Variants in SH3KBP1 observed in about 807,000 individuals in gnomAD.
SH3KBP1 encodes the protein SH3 domain containing kinase binding protein 1, also known as SH3 domain-containing kinase-binding protein 1.
In SH3KBP1, 8 loss-of-function variants were observed where a neutral mutation model predicts 50.1. The ratio of observed to expected loss-of-function variants is 0.16; its 90% CI spans 0.09 to 0.29. The LOEUF is 0.29. Among genes scored for constraint, SH3KBP1 ranks in the 10% least tolerant of loss-of-function variants. SH3KBP1 has a pLI of 1.00. For synonymous variants in SH3KBP1, 227 were observed against 218.6 expected (o/e 1.04, Z -0.34); for missense variants, 377 against 535.2 (o/e 0.70, Z 2.92).
chrX:19,797,658 A>C lies in SH3KBP1; in HGVS notation c.162+38467T>G, dbSNP rs763931382. On this transcript the variant is annotated intron_variant, in intron 2 of 17. Coordinates refer to ENST00000397821, the MANE Select transcript of SH3KBP1 (RefSeq NM_031892.3). ...ACAATGTCTCTCCGTAATCAGTGAT[A>C]AAAGTTAGCACTGTGTCAGAGATCA... is the stretch of plus-strand genomic sequence containing the variant. 6.7e-4 allele frequency among the ~76,000 whole-genome samples: 75 copies of C among 111,654 alleles called. 1 individual carries two copies. The highest frequency in any genetic ancestry group is 2.4e-3 in the African/African-American group (73 of 30,669).
At chrX:19,862,901 CA>C (rs1407970208) in intron 1 of SH3KBP1, among the ~76,000 whole-genome samples, 1 of 111,938 alleles carries the variant, frequency 8.9e-6, no homozygotes, top group African/African-American at 3.3e-5. Flanking sequence ...ATGATGAAAA[CA>C]AGCAGTGGCC....
At chrX:19,640,816 C>T (rs746695185) in intron 7 of SH3KBP1, among the ~76,000 whole-genome samples, 9 of 111,849 alleles carry the variant, frequency 8.0e-5, no homozygotes, top group Non-Finnish European at 1.3e-4. Flanking sequence ...CTTTCTGCAA[C>T]CAATCAGATG....
At chrX:19,680,357 GC>G (rs1203867178) in intron 6 of SH3KBP1, among the ~76,000 whole-genome samples, 2 of 97,720 alleles carry the variant, frequency 2.0e-5, no homozygotes, top group Non-Finnish European at 4.0e-5. Context: ...TCCAGCCTAG[GC>G]AACAGAGCAA....
At chrX:19,609,607 C>A (rs1042735670) in intron 8 of SH3KBP1, among the ~76,000 whole-genome samples, 2 of 111,954 alleles carry the variant, frequency 1.8e-5, no homozygotes, top group Admixed American at 1.9e-4. Flanking sequence ...ATGGTCTCCA[C>A]GACACCAGTG....
intron 1 of SH3KBP1, among the ~76,000 whole-genome samples, chrX:19,878,755 T>C (rs912513119): frequency 4.5e-5 from 5 of 110,669 alleles, no homozygotes; most frequent in African/African-American, 1.7e-4. Flanking sequence ...AAAGAAAGTT[T>C]TGGAACTAGA....
intron 2 of SH3KBP1, among the ~76,000 whole-genome samples, chrX:19,771,902 G>C (rs1603227350): frequency 1.9e-5 from 2 of 103,563 alleles, no homozygotes; most frequent in African/African-American, 3.5e-5. Flanking sequence ...ATTTTCTGTT[G>C]TGTATTTCAC....
chrX:19,542,333 A>G (rs1329167575), intron 15 of SH3KBP1, 140 bp from the exon 16 acceptor site: 1 of 610,819 alleles, frequency 1.6e-6, no homozygotes, highest in African/African-American at 2.3e-5. Context: ...TTCATCCACA[A>G]GCCACCAAGG....
chrX:19,743,890 G>A (rs1247898021), intron 3 of SH3KBP1, among the ~76,000 whole-genome samples: 1 of 112,632 alleles, frequency 8.9e-6, no homozygotes, highest in Non-Finnish European at 1.9e-5. Flanking sequence ...TCCATATACA[G>A]AAAACAGTCA....
intron 2 of SH3KBP1, among the ~76,000 whole-genome samples, chrX:19,792,677 G>A (rs951890014): frequency 9.3e-6 from 1 of 107,946 alleles, no homozygotes; most frequent in Admixed American, 1.0e-4. Context: ...TATTATGTTA[G>A]GCCAGTGGTT....
chrX:19,690,735 C>A (rs2063267558), intron 5 of SH3KBP1, among the ~76,000 whole-genome samples: 2 of 112,472 alleles, frequency 1.8e-5, no homozygotes, highest in Admixed American at 9.4e-5. Context: ...TCAACAGTAG[C>A]ATGTGCAAAA....
chrX:19,693,478 G>A (rs191344559), intron 5 of SH3KBP1, among the ~76,000 whole-genome samples: 1 of 111,819 alleles, frequency 8.9e-6, no homozygotes, highest in East Asian at 2.8e-4. Context: ...ATCCTTGTTA[G>A]GGGACCATGC....
At position 19,652,450 on chromosome X, in the gene SH3KBP1, G is replaced by GA. The variant is rs777274925; in HGVS notation, c.727-6976dup. Among the ~76,000 whole-genome samples, 8 of 110,970 alleles carry GA rather than the reference G, an allele frequency of 7.2e-5. No homozygotes were observed. In the East Asian group the frequency reaches 2.0e-3, roughly 27 times the overall value. ...ATTATGATCAAAAGACTCTCACTTTGATGGGTGATTATCACCCACGTATGC... is the reference window on the plus strand; with the variant it reads ...ATTATGATCAAAAGACTCTCACTTTGAATGGGTGATTATCACCCACGTATGC... On this transcript the variant is annotated intron_variant, in intron 6 of 17. Transcript: ENST00000397821.
intron 2 of SH3KBP1, among the ~76,000 whole-genome samples, chrX:19,826,684 A>G (rs2067683001): frequency 1.0e-5 from 1 of 98,210 alleles, no homozygotes; most frequent in Non-Finnish European, 2.0e-5. Flanking sequence ...CACTGTCTCT[A>G]AATAACATAA....
At position 19,871,312 on chromosome X, in the gene SH3KBP1, C is replaced by A. The variant is rs781117532; in HGVS notation, c.4+15995G>T. ...ATGTTTGAGGAGTTCCCCTGGTTATCAGATCTTATGCTTAACAGGCACTCA... is the reference window on the plus strand; with the variant it reads ...ATGTTTGAGGAGTTCCCCTGGTTATAAGATCTTATGCTTAACAGGCACTCA... On this transcript the variant is annotated intron_variant, in intron 1 of 17. Coordinates refer to ENST00000397821, the MANE Select transcript of SH3KBP1 (RefSeq NM_031892.3). Among the ~76,000 whole-genome samples, 5 of 112,324 alleles carry A rather than the reference C, an allele frequency of 4.5e-5. 1 individual carries two copies. The South Asian group carries it at 1.8e-3, about 41-fold the overall frequency.
rs760427817 is a variant in SH3KBP1 at position 19,758,247 on chromosome X, G to C, written c.163-11806C>G. Among the ~76,000 whole-genome samples the C allele has an allele frequency of 7.9e-5, 8 of 101,126 alleles. No homozygotes were observed. In the East Asian group the frequency reaches 2.7e-3, roughly 34 times the overall value. 87.8% of individuals were successfully genotyped at this position (101,126 alleles called of 115,157 possible). A position where few individuals can be genotyped will look rare whatever the true frequency, so the allele number is the denominator to read the frequency against. On this transcript the variant is annotated intron_variant, in intron 2 of 17. Transcript: ENST00000397821. The stretch of plus-strand genomic sequence containing the variant: ...GGAGGCTGAGGCAGGAGAATCGCTT[G>C]AACCCTGGAAGCGGAGGTTGCAGTG...
chrX:19,708,947 C>T (rs2063716036), intron 3 of SH3KBP1, among the ~76,000 whole-genome samples: 1 of 111,768 alleles, frequency 8.9e-6, no homozygotes, highest in African/African-American at 3.3e-5. Context: ...AGCCATAAAA[C>T]TTACAGTTGT....
intron 3 of SH3KBP1, among the ~76,000 whole-genome samples, chrX:19,745,741 GGGGAT>G (rs1270550006): frequency 8.9e-6 from 1 of 111,919 alleles, no homozygotes; most frequent in Non-Finnish European, 1.9e-5. Flanking sequence ...ATCACCAAGA[GGGGAT>G]GGGAGAAAAA....
At chrX:19,852,865 C>T (rs1046486642) in intron 1 of SH3KBP1, among the ~76,000 whole-genome samples, 9 of 111,061 alleles carry the variant, frequency 8.1e-5, no homozygotes, top group Non-Finnish European at 1.3e-4. Flanking sequence ...AATGCATGAT[C>T]GGAGAGAAGT....
chrX:19,663,928 A>G (rs773051365), intron 6 of SH3KBP1, among the ~76,000 whole-genome samples: 1 of 111,990 alleles, frequency 8.9e-6, no homozygotes, highest in East Asian at 2.8e-4. Flanking sequence ...TCCACAAAAA[A>G]TTTAAAAATT....
Sources: gnomAD v4.1 joint callset for allele counts (sites outside exome capture counted in the v4.1 genomes callset) on GRCh38, gnomAD v4.1.1 for gene constraint, MANE v1.5 for transcripts, NCBI Gene and HGNC (gene_info 2026-07-23, HGNC 2026-07-21) for gene names.